The following ST8SIA2 variants were observed in gnomAD, a reference collection of about 807,000 sequenced individuals.
ST8SIA2 encodes the protein ST8 alpha-N-acetyl-neuraminide alpha-2,8-sialyltransferase 2.
In ST8SIA2, 22 loss-of-function variants were observed where a neutral mutation model predicts 37.6. That is an observed-to-expected ratio of 0.58 (90% CI 0.42 to 0.83). The LOEUF (loss-of-function observed/expected upper bound fraction) is 0.83, where lower values mean the gene tolerates loss of function less well. Ranked by LOEUF, ST8SIA2 falls within the 40% of genes least tolerant of loss-of-function variation. The pLI, the probability that ST8SIA2 is intolerant of heterozygous loss-of-function variation, is 0.00. For synonymous variants in ST8SIA2, 205 were observed against 201.2 expected (o/e 1.02, Z -0.16); for missense variants, 382 against 484.7 (o/e 0.79, Z 1.99).
intron 1 of ST8SIA2, among the ~76,000 whole-genome samples, chr15:92,410,011 G>A (rs76423916): frequency 0.029 from 4,376 of 152,310 alleles, 199 homozygotes; most frequent in African/African-American, 0.099. Flanking sequence ...TGAGAGTTTC[G>A]GGGTCTGGGC....
chr15:92,410,059 A>G (rs1409781689), intron 1 of ST8SIA2, among the ~76,000 whole-genome samples: 2 of 152,252 alleles, frequency 1.3e-5, no homozygotes, highest in Non-Finnish European at 1.5e-5. Flanking sequence ...CCATTGCCCT[A>G]AGGGCAGGCC....
At chr15:92,456,564 C>T (rs537711977) in intron 5 of ST8SIA2, among the ~76,000 whole-genome samples, 29 of 152,250 alleles carry the variant, frequency 1.9e-4, no homozygotes, top group African/African-American at 5.3e-4. Flanking sequence ...AACAACATAC[C>T]GGACACAAAA....
intron 2 of ST8SIA2, 33 bp from the exon 3 acceptor site, chr15:92,434,214 T>C (rs377701344): frequency 5.0e-6 from 8 of 1,613,118 alleles, no homozygotes; most frequent in Admixed American, 1.7e-5. Context: ...TAACACATCA[T>C]GTCTACCCTC....
At chr15:92,394,355 G>C (rs2049413615) in intron 1 of ST8SIA2, among the ~76,000 whole-genome samples, 193 bp downstream of exon 1, 1 of 152,162 alleles carries the variant, frequency 6.6e-6, no homozygotes, top group African/African-American at 2.4e-5. Context: ...GTGGGGGCGC[G>C]GCTGCTGTGG....
At chr15:92,431,321 G>T (rs1193079288) in intron 2 of ST8SIA2, among the ~76,000 whole-genome samples, 1 of 152,202 alleles carries the variant, frequency 6.6e-6, no homozygotes, top group Non-Finnish European at 1.5e-5. Flanking sequence ...CTCAGCCCCA[G>T]TGTTTGTTAG....
chr15:92,446,798 C>A (rs1011966147), intron 5 of ST8SIA2, among the ~76,000 whole-genome samples: 1 of 152,060 alleles, frequency 6.6e-6, no homozygotes, highest in Non-Finnish European at 1.5e-5. Flanking sequence ...GTGGAGGGAA[C>A]CTTAAGTGCA....
At chr15:92,460,959 G>A (rs912760409) in intron 5 of ST8SIA2, among the ~76,000 whole-genome samples, 2 of 152,200 alleles carry the variant, frequency 1.3e-5, no homozygotes. Flanking sequence ...GTAAGATGCT[G>A]AGAGAGGGCC....
At chr15:92,433,732 A>G (rs1156810011) in intron 2 of ST8SIA2, among the ~76,000 whole-genome samples, 2 of 152,252 alleles carry the variant, frequency 1.3e-5, no homozygotes, top group Non-Finnish European at 2.9e-5. Context: ...CTGTGTAACA[A>G]GGTCCATGTT....
intron 5 of ST8SIA2, among the ~76,000 whole-genome samples, chr15:92,457,606 G>A (rs1345033973): frequency 1.3e-5 from 2 of 152,212 alleles, no homozygotes; most frequent in Admixed American, 1.3e-4. Flanking sequence ...TTAACACCCA[G>A]CTGTTATCCT....
At chr15:92,450,385 A>G (rs1303998420) in intron 5 of ST8SIA2, among the ~76,000 whole-genome samples, 1 of 152,212 alleles carries the variant, frequency 6.6e-6, no homozygotes, top group Non-Finnish European at 1.5e-5. Context: ...AATTAAATAC[A>G]TGAATGTATT....
intron 1 of ST8SIA2, among the ~76,000 whole-genome samples, chr15:92,399,762 T>G (rs1051741859): frequency 1.7e-4 from 26 of 152,214 alleles, no homozygotes; most frequent in African/African-American, 5.8e-4. Flanking sequence ...TGTAAATAGA[T>G]ACCATCTTAG....
intron 1 of ST8SIA2, among the ~76,000 whole-genome samples, chr15:92,416,539 G>A (rs142888377): frequency 7.9e-5 from 12 of 152,232 alleles, no homozygotes; most frequent in African/African-American, 1.9e-4. Flanking sequence ...AAGAAAACCC[G>A]GAGAAAGTGT....
chr15:92,395,769 C>G (rs1159040339), intron 1 of ST8SIA2, among the ~76,000 whole-genome samples: 1 of 152,182 alleles, frequency 6.6e-6, no homozygotes, highest in Non-Finnish European at 1.5e-5. Context: ...CGGATGTGGG[C>G]ACTGCCCGGC....
chr15:92,411,381 A>G (rs1355399383), intron 1 of ST8SIA2, among the ~76,000 whole-genome samples: 1 of 152,030 alleles, frequency 6.6e-6, no homozygotes, highest in African/African-American at 2.4e-5. Context: ...GGTGTTGAAA[A>G]GGAAGAGGGA....
At chr15:92,411,061 C>A (rs1035919534) in intron 1 of ST8SIA2, among the ~76,000 whole-genome samples, 2 of 152,184 alleles carry the variant, frequency 1.3e-5, no homozygotes, top group African/African-American at 4.8e-5. Flanking sequence ...CTGTCAAGGG[C>A]TGAAGAACTC....
intron 3 of ST8SIA2, among the ~76,000 whole-genome samples, chr15:92,437,807 T>C (rs2049769867): frequency 6.6e-6 from 1 of 152,186 alleles, no homozygotes; most frequent in African/African-American, 2.4e-5. Context: ...AAATTTATTA[T>C]CCTTTTTTCA....
chr15:92,460,852 C>T (rs1421744054), intron 5 of ST8SIA2, among the ~76,000 whole-genome samples: 1 of 152,216 alleles, frequency 6.6e-6, no homozygotes, highest in Non-Finnish European at 1.5e-5. Context: ...CTTCCCCTTG[C>T]CATCTGAGTG....
intron 3 of ST8SIA2, 47 bp downstream of exon 3, chr15:92,434,422 A>G (rs750121097): frequency 4.3e-6 from 7 of 1,613,486 alleles, no homozygotes; most frequent in African/African-American, 1.3e-5. Context: ...GGTCTTGAGC[A>G]TACACGGGCA....
chr15:92,442,252 T>C (rs1054737311), intron 4 of ST8SIA2, among the ~76,000 whole-genome samples: 3 of 152,110 alleles, frequency 2.0e-5, no homozygotes, highest in Non-Finnish European at 4.4e-5. Context: ...TCTTCTTGTG[T>C]CTCTGCAGGT....
Sources: allele counts gnomAD v4.1 joint callset (sites outside exome capture counted in the v4.1 genomes callset), GRCh38; gene constraint gnomAD v4.1.1; transcripts MANE v1.5; gene names NCBI Gene and HGNC (gene_info 2026-07-23, HGNC 2026-07-21).